Variants in NUP205 observed in about 807,000 individuals in gnomAD.
NUP205 encodes nuclear pore complex protein Nup205.
In NUP205, 76 loss-of-function variants were observed where a neutral mutation model predicts 253.8. The observed-to-expected ratio is 0.30, with a 90% confidence interval of 0.25 to 0.36. NUP205 has a LOEUF of 0.36. NUP205 is among the 10% of genes least tolerant of loss of function. The pLI is 1.00. For synonymous variants in NUP205, 832 were observed against 850.1 expected (o/e 0.98, Z 0.37); for missense variants, 2,162 against 2,425.5 (o/e 0.89, Z 2.28).
Position 135,621,000 on chromosome 7 carries a change from CA to C in NUP205, c.4330+1114del, listed in dbSNP as rs773701109. Among the ~76,000 whole-genome samples, 38 of 152,296 alleles carry C rather than the reference CA, an allele frequency of 2.5e-4. 2 individuals are homozygous for C. Among genetic ancestry groups the C allele is most frequent in the South Asian group, 1.5e-3 (7 of 4,818 alleles). ...ACTTTATAGACATTTGATGTTCAAT[CA>C]AGTTATTCAGAGTTATTCTGCCATT... On this transcript the variant is annotated intron_variant, in intron 30 of 42. Coordinates refer to ENST00000285968, the MANE Select transcript of NUP205 (RefSeq NM_015135.3).
intron 33 of NUP205, 118 bp downstream of exon 33, chr7:135,626,479 T>C (rs1424184418): frequency 1.7e-6 from 2 of 1,143,948 alleles, no homozygotes; most frequent in African/African-American, 1.6e-5. Context: ...GTGTGGGTTT[T>C]TTTGGTCATA....
At chr7:135,600,807 G>T (rs369044629) in intron 15 of NUP205, 63 bp from the exon 16 acceptor site, 3 of 892,530 alleles carry the variant, frequency 3.4e-6, no homozygotes, top group South Asian at 3.7e-5. Flanking sequence ...AGAGTGAAAA[G>T]CCTTGCAAGG....
rs74494446 is a variant in NUP205, at chr7:135,625,378, T to C, written c.4671+23T>C. On this transcript the variant is annotated intron_variant, in intron 32 of 42. Coordinates refer to ENST00000285968, the MANE Select transcript of NUP205 (RefSeq NM_015135.3). Reference sequence around the variant, plus strand: ...ATGGTAAGGCTTTCTAGACATTTGATGTTAGATCAAGAAGTCGTTTTCTCT... The same window carrying C: ...ATGGTAAGGCTTTCTAGACATTTGACGTTAGATCAAGAAGTCGTTTTCTCT... 11,558 of 1,531,908 alleles carry C rather than the reference T, an allele frequency of 7.5e-3. 192 individuals are homozygous for C. The highest frequency in any genetic ancestry group is 0.062 in the East Asian group (2,690 of 43,202). 94.9% of individuals were successfully genotyped at this position (1,531,908 alleles called of 1,614,324 possible).
At chr7:135,630,591 CAG>C (rs1248545859) in intron 35 of NUP205, 121 bp downstream of exon 35, 1 of 743,398 alleles carries the variant, frequency 1.3e-6, no homozygotes, top group Non-Finnish European at 2.0e-6. Flanking sequence ...GTACTGCTAA[CAG>C]AGCCTTTATT....
At position 135,637,437 on chromosome 7, in the gene NUP205, G is replaced by A. The variant is rs1043993739; in HGVS notation, c.5137-494G>A. ...TTAACATTTGAAACTGGGGACATTT[G>A]CATTTATCTTCCAAGGTGATCTGTG... On this transcript the variant is annotated intron_variant, in intron 36 of 42. Coordinates refer to ENST00000285968, the MANE Select transcript of NUP205 (RefSeq NM_015135.3). 5.9e-5 allele frequency among the ~76,000 whole-genome samples: 9 copies of A among 152,198 alleles called. No individual in the cohort carries two copies. The East Asian group carries it at 7.7e-4, about 13-fold the overall frequency.
intron 13 of NUP205, among the ~76,000 whole-genome samples, chr7:135,595,171 T>G (rs1162698984): frequency 6.6e-6 from 1 of 152,106 alleles, no homozygotes; most frequent in Non-Finnish European, 1.5e-5. Context: ...TCACTGGGGT[T>G]GTTTTTCCAT....
intron 35 of NUP205, among the ~76,000 whole-genome samples, chr7:135,632,779 G>A (rs1192334816): frequency 6.6e-6 from 1 of 151,888 alleles, no homozygotes; most frequent in Non-Finnish European, 1.5e-5. Context: ...AACTCCTAAT[G>A]GTTTTTCCTT....
chr7:135,596,038 G>A (rs1793827090), intron 13 of NUP205, among the ~76,000 whole-genome samples: 2 of 151,968 alleles, frequency 1.3e-5, no homozygotes, highest in East Asian at 1.9e-4. Flanking sequence ...GGGTTCAAGC[G>A]ATTCTCCTGC....
At chr7:135,608,368 A>G (rs775948462) in intron 22 of NUP205, among the ~76,000 whole-genome samples, 11 of 152,184 alleles carry the variant, frequency 7.2e-5, no homozygotes, top group Non-Finnish European at 1.5e-4. Context: ...AGTCCTGTAT[A>G]CAACTATGTT....
chr7:135,606,093 A>G (rs372231801), intron 19 of NUP205, 52 bp from the exon 20 acceptor site: 9 of 1,204,332 alleles, frequency 7.5e-6, no homozygotes, highest in Non-Finnish European at 1.1e-5. Context: ...AGTTTTTCTA[A>G]TATTTAGAAA....
chr7:135,580,616 C>T (rs550739035), intron 7 of NUP205, among the ~76,000 whole-genome samples: 2 of 152,162 alleles, frequency 1.3e-5, no homozygotes, highest in African/African-American at 4.8e-5. Flanking sequence ...TCGCACGCCG[C>T]CACACCCAGC....
At chr7:135,637,762 A>G (rs1794837139) in intron 36 of NUP205, among the ~76,000 whole-genome samples, 169 bp from the exon 37 acceptor site, 1 of 152,240 alleles carries the variant, frequency 6.6e-6, no homozygotes, top group Admixed American at 6.5e-5. Flanking sequence ...TACCTTTGCA[A>G]AAAGTTGAAT....
At chr7:135,640,187 A>G (rs1409772701) in intron 38 of NUP205, among the ~76,000 whole-genome samples, 1 of 152,230 alleles carries the variant, frequency 6.6e-6, no homozygotes, top group East Asian at 1.9e-4. Context: ...TAACAAACGT[A>G]CACATTCTGT....
intron 34 of NUP205, 123 bp from the exon 35 acceptor site, chr7:135,630,221 G>C (rs1794680926): frequency 1.7e-6 from 1 of 580,760 alleles, no homozygotes; most frequent in Non-Finnish European, 2.6e-6. Context: ...TTGTATTACT[G>C]AGTATTATGG....
intron 36 of NUP205, among the ~76,000 whole-genome samples, 164 bp from the exon 37 acceptor site, chr7:135,637,767 T>C (rs1794837359): frequency 6.6e-6 from 1 of 152,212 alleles, no homozygotes; most frequent in African/African-American, 2.4e-5. Context: ...TTGCAAAAAG[T>C]TGAATTTTAA....
intron 30 of NUP205, among the ~76,000 whole-genome samples, chr7:135,620,827 GA>G (rs2129491465): frequency 6.6e-6 from 1 of 152,158 alleles, no homozygotes; most frequent in East Asian, 1.9e-4. Flanking sequence ...TAAATTCCAA[GA>G]AGTGGAATTT....
In NUP205 at chr7:135,644,358, G is replaced by A. The variant is rs150062033; in HGVS notation, c.5560-537G>A. ...AGGAATTGCATCATCATCATGAAGC[G>A]CGTGGCCTTCCATCAGCCTCACTTC... On this transcript the variant is annotated intron_variant, in intron 39 of 42. Transcript: ENST00000285968. Among the ~76,000 whole-genome samples, 302 of 152,264 alleles carry A rather than the reference G, an allele frequency of 2.0e-3. 1 individual carries two copies. Among genetic ancestry groups the A allele is most frequent in the African/African-American group, 6.9e-3 (285 of 41,556 alleles).
chr7:135,563,454 G>C (rs977410060), intron 1 of NUP205, among the ~76,000 whole-genome samples: 18 of 151,996 alleles, frequency 1.2e-4, no homozygotes, highest in East Asian at 5.8e-4. Flanking sequence ...TCTCAAAGTG[G>C]TGGGATTACA....
chr7:135,621,395 T>C (rs1461500181), intron 30 of NUP205, among the ~76,000 whole-genome samples: 1 of 152,244 alleles, frequency 6.6e-6, no homozygotes, highest in African/African-American at 2.4e-5. Context: ...GTGTGTGTTT[T>C]TCTTAACATT....
Sources: allele counts gnomAD v4.1 joint callset (sites outside exome capture counted in the v4.1 genomes callset), GRCh38; gene constraint gnomAD v4.1.1; transcripts MANE v1.5; gene names NCBI Gene and HGNC (gene_info 2026-07-23, HGNC 2026-07-21).